Variants in NFIB observed in about 807,000 individuals in gnomAD.
The protein encoded by NFIB is nuclear factor 1 B-type.
Under a neutral mutation model 61.5 loss-of-function variants are expected in NFIB, and 11 were observed. The ratio of observed to expected loss-of-function variants is 0.18; its 90% confidence interval spans 0.11 to 0.30. The LOEUF (loss-of-function observed/expected upper bound fraction) is 0.30. Among genes scored for constraint, NFIB ranks in the 10% least tolerant of loss-of-function variants. The pLI is 1.00. For synonymous variants in NFIB, 260 were observed against 216.5 expected, an observed-to-expected ratio of 1.20 and a Z score of -1.76; for missense variants, 471 against 608.9, an observed-to-expected ratio of 0.77 and a Z score of 2.38.
chr9:14,216,554 G>C (rs1019514558), intron 2 of NFIB, among the ~76,000 whole-genome samples: 2 of 14,462 alleles, frequency 1.4e-4, no homozygotes, highest in African/African-American at 6.0e-4. Context: ...CTCTGTGTGT[G>C]TGTGTGTGTG....
intron 2 of NFIB, among the ~76,000 whole-genome samples, chr9:14,220,611 C>G (rs192118995): frequency 6.6e-6 from 1 of 152,074 alleles, no homozygotes; most frequent in African/African-American, 2.4e-5. Context: ...GGATCACAGC[C>G]CATAGCTCTC....
chr9:14,182,708 CTGTGTGTGTGTGTGTGTG>C (rs59897559), intron 2 of NFIB, among the ~76,000 whole-genome samples: 15 of 97,000 alleles, frequency 1.5e-4, no homozygotes, highest in African/African-American at 4.8e-4. Context: ...CTCTCTCTCT[CTGTGTGTGTGTGTGTGTG>C]TGTGTGTGTG....
At chr9:14,397,969 A>G (rs925187111) in intron 1 of NFIB, among the ~76,000 whole-genome samples, 3 of 152,106 alleles carry the variant, frequency 2.0e-5, no homozygotes, top group African/African-American at 7.2e-5. Context: ...CATTTGTAGT[A>G]ATGGCCTCCA....
At chr9:14,202,128 TCACACACA>T (rs3080833) in intron 2 of NFIB, among the ~76,000 whole-genome samples, 2,870 of 147,170 alleles carry the variant, frequency 0.02, 82 homozygotes, top group African/African-American at 0.065. Context: ...TTGATACTTT[TCACACACA>T]CACACACACA....
At chr9:14,136,445 A>C (rs1028683857) in intron 6 of NFIB, among the ~76,000 whole-genome samples, 1 of 152,188 alleles carries the variant, frequency 6.6e-6, no homozygotes, top group Non-Finnish European at 1.5e-5. Flanking sequence ...GCTATAAAAT[A>C]AAATCAATAC....
intron 2 of NFIB, among the ~76,000 whole-genome samples, chr9:14,191,600 T>C (rs1480896062): frequency 6.6e-6 from 1 of 152,178 alleles, no homozygotes; most frequent in Non-Finnish European, 1.5e-5. Flanking sequence ...ATCAATTCCT[T>C]ATGATTCAAA....
rs7846889 is a variant in NFIB at position 14,267,602 on chromosome 9, T to A, written c.562+39387A>T. On this transcript the variant is annotated intron_variant, in intron 2 of 10. Coordinates refer to ENST00000380953, the MANE Select transcript of NFIB (RefSeq NM_001190737.2). ...TTTTCACTTTAATCTATGTATTATCTATGACCCTATTAGTTTTCTCATAGC... is the reference window on the plus strand; with the variant it reads ...TTTTCACTTTAATCTATGTATTATCAATGACCCTATTAGTTTTCTCATAGC... Among the ~76,000 whole-genome samples, 54 of 152,162 alleles carry A rather than the reference T, an allele frequency of 3.5e-4. 1 individual carries two copies. Among genetic ancestry groups the A allele is most frequent in the South Asian group, 6.2e-4 (3 of 4,822 alleles).
chr9:14,199,313 G>A (rs563601711), intron 2 of NFIB, among the ~76,000 whole-genome samples: 1 of 152,302 alleles, frequency 6.6e-6, no homozygotes, highest in East Asian at 1.9e-4. Flanking sequence ...TCCTTGGCAG[G>A]CAGTAGTGCG....
intron 1 of NFIB, among the ~76,000 whole-genome samples, chr9:14,354,596 C>T (rs1336625181): frequency 6.6e-6 from 1 of 152,128 alleles, no homozygotes; most frequent in African/African-American, 2.4e-5. Flanking sequence ...TTAGGGCCAT[C>T]CCTTGTACAG....
At chr9:14,264,552 G>T (rs2057042658) in intron 2 of NFIB, among the ~76,000 whole-genome samples, 1 of 152,226 alleles carries the variant, frequency 6.6e-6, no homozygotes, top group African/African-American at 2.4e-5. Flanking sequence ...AACACTCAAT[G>T]ATGAATTTTT....
chr9:14,246,088 G>A (rs958271240), intron 2 of NFIB, among the ~76,000 whole-genome samples: 1 of 151,300 alleles, frequency 6.6e-6, no homozygotes, highest in Admixed American at 6.6e-5. Flanking sequence ...GAATTAGAGA[G>A]GAAAAGGCAT....
At chr9:14,382,345 TGAGA>T (rs111564800) in intron 1 of NFIB, among the ~76,000 whole-genome samples, 2 of 149,310 alleles carry the variant, frequency 1.3e-5, no homozygotes, top group African/African-American at 4.9e-5. Context: ...CAGAAAGTGA[TGAGA>T]GAGAGAGAGA....
At chr9:14,469,137 C>G in the NFIB span, among the ~76,000 whole-genome samples, 2 of 152,188 alleles carry the variant, frequency 1.3e-5, no homozygotes, top group East Asian at 3.8e-4. Context: ...TTGATGCCCA[C>G]TTCTTTTCCA....
the NFIB span, among the ~76,000 whole-genome samples, chr9:14,458,857 G>A: frequency 2.6e-5 from 4 of 151,554 alleles, no homozygotes; most frequent in Admixed American, 1.3e-4. Flanking sequence ...ACTGCTCAAG[G>A]AAATAAAAGA....
chr9:14,332,328 G>A (rs1485801401), intron 1 of NFIB, among the ~76,000 whole-genome samples: 5 of 47,944 alleles, frequency 1.0e-4, no homozygotes, highest in Middle Eastern at 0.018. Context: ...GCGAGACTCC[G>A]TCAAAAAAAA....
At chr9:14,236,022 A>T (rs1218966297) in intron 2 of NFIB, among the ~76,000 whole-genome samples, 2 of 152,208 alleles carry the variant, frequency 1.3e-5, no homozygotes, top group East Asian at 3.9e-4. Flanking sequence ...TCCAGTATCA[A>T]GAGTGTACAG....
chr9:14,235,054 T>G (rs1378340628), intron 2 of NFIB, among the ~76,000 whole-genome samples: 1 of 152,190 alleles, frequency 6.6e-6, no homozygotes, highest in Non-Finnish European at 1.5e-5. Context: ...TCACAACTGG[T>G]AGGTACTTAA....
chr9:14,405,505 C>T, the NFIB span, among the ~76,000 whole-genome samples: 54 of 152,242 alleles, frequency 3.5e-4, no homozygotes, highest in African/African-American at 1.2e-3. Flanking sequence ...GGTGGCAAAA[C>T]CTTTGATAAA....
intron 2 of NFIB, among the ~76,000 whole-genome samples, chr9:14,214,625 T>A (rs1457329236): frequency 1.3e-5 from 2 of 152,238 alleles, no homozygotes; most frequent in East Asian, 3.8e-4. Context: ...GCTTTTTACA[T>A]AACTACCAGG....
Sources: gnomAD v4.1 joint callset for allele counts (sites outside exome capture counted in the v4.1 genomes callset) on GRCh38, gnomAD v4.1.1 for gene constraint, MANE v1.5 for transcripts, NCBI Gene and HGNC (gene_info 2026-07-23, HGNC 2026-07-21) for gene names.